STAB2: variants seen among roughly 807,000 people sequenced by gnomAD.
STAB2 encodes the protein stabilin 2.
Under a neutral mutation model 338.1 loss-of-function variants are expected in STAB2, and 288 were observed. The ratio of observed to expected loss-of-function variants is 0.85; its 90% CI spans 0.77 to 0.94. STAB2 has a LOEUF of 0.94. STAB2 is among the 40% of genes least tolerant of loss of function. The pLI, the probability that STAB2 is intolerant of heterozygous loss-of-function variation, is 0.00. For synonymous variants in STAB2, 1,202 were observed against 1,193.3 expected (o/e 1.01, Z -0.15); for missense variants, 3,141 against 3,210.1 (o/e 0.98, Z 0.52).
intron 3 of STAB2, among the ~76,000 whole-genome samples, chr12:103,609,673 C>T (rs891969607): frequency 6.6e-6 from 1 of 152,082 alleles, no homozygotes; most frequent in African/African-American, 2.4e-5. Context: ...ATTGAATACC[C>T]TTTATTTCCT....
intron 25 of STAB2, among the ~76,000 whole-genome samples, chr12:103,681,046 TAAAA>T (rs1458445171): frequency 2.6e-5 from 4 of 152,196 alleles, no homozygotes; most frequent in Non-Finnish European, 1.5e-5. Context: ...ATAAATGTTG[TAAAA>T]GCCACATAGG....
At chr12:103,709,215 AAAG>A (rs1470593116) in intron 39 of STAB2, among the ~76,000 whole-genome samples, 1 of 152,122 alleles carries the variant, frequency 6.6e-6, no homozygotes. Flanking sequence ...TTTCAGGCAG[AAAG>A]AAGCACCTGG....
intron 52 of STAB2, among the ~76,000 whole-genome samples, chr12:103,736,254 C>T (rs1387671107): frequency 1.6e-4 from 25 of 152,128 alleles, no homozygotes; most frequent in Admixed American, 1.6e-3. Flanking sequence ...CCTCTAAGGT[C>T]CAGCATGGTT....
intron 65 of STAB2, among the ~76,000 whole-genome samples, chr12:103,760,418 A>G (rs1228763826): frequency 6.6e-6 from 1 of 151,926 alleles, no homozygotes; most frequent in East Asian, 1.9e-4. Flanking sequence ...CCGCCACCAC[A>G]CTCAGCTGAT....
rs559196174 is a variant in STAB2 at position 103,724,402 on chromosome 12, G to A, written c.4684-573G>A. ...TGAGAAAGCACGGGGAAGGGTTTGT[G>A]AGGAAGGGGCCTATGGGGTCAGGTG... On this transcript the variant is annotated intron_variant, in intron 44 of 68. Transcript: ENST00000388887. Among the ~76,000 whole-genome samples the A allele has an allele frequency of 3.9e-5, 6 of 152,334 alleles. No homozygotes were observed. The East Asian group carries it at 1.2e-3, about 29-fold the overall frequency.
intron 3 of STAB2, among the ~76,000 whole-genome samples, chr12:103,608,296 G>A (rs1183087408): frequency 1.3e-5 from 2 of 152,042 alleles, no homozygotes; most frequent in Non-Finnish European, 2.9e-5. Flanking sequence ...CTGCCTCCAA[G>A]CCTAGCTAAT....
intron 52 of STAB2, among the ~76,000 whole-genome samples, chr12:103,736,891 T>C (rs1368246027): frequency 6.6e-6 from 1 of 152,202 alleles, no homozygotes; most frequent in Non-Finnish European, 1.5e-5. Context: ...ATTGGAAGAA[T>C]AATGTATCCA....
intron 3 of STAB2, among the ~76,000 whole-genome samples, chr12:103,615,153 A>AT (rs2138613129): frequency 6.6e-6 from 1 of 152,254 alleles, no homozygotes; most frequent in African/African-American, 2.4e-5. Flanking sequence ...GGTAGGGATG[A>AT]TTTTTCTAAT....
chr12:103,655,501 C>T lies in STAB2; in HGVS notation c.1654C>T (p.Pro552Ser). ...CTTAGATGAGGATGGAGTTGGTGGA[C>T]CATACACCATTTTTGTTCCAAATAA... ...HALDEDGVGG[P>S]YTIFVPNNEA... Residue 552 changes from proline to serine, a missense_variant, in exon 15 of 69, where the codon CCA becomes TCA. By Grantham distance (74) the Pro-to-Ser change is moderately conservative. Transcript: ENST00000388887. The T allele has an allele frequency of 6.2e-7, 1 of 1,614,014 alleles. No individual in the cohort carries two copies. Among genetic ancestry groups the T allele is most frequent in the Non-Finnish European group, 8.5e-7 (1 of 1,180,018 alleles).
chr12:103,753,576 T>G (rs994259082), intron 61 of STAB2, among the ~76,000 whole-genome samples: 4 of 152,098 alleles, frequency 2.6e-5, no homozygotes, highest in Admixed American at 2.0e-4. Flanking sequence ...CCTTACAACA[T>G]CTCTGAAGGC....
At chr12:103,676,060 T>A in intron 24 of STAB2, 39 bp downstream of exon 24, 231 of 645,136 alleles carry the variant, frequency 3.6e-4, no homozygotes, top group Non-Finnish European at 4.5e-4. Context: ...CCTGGTTTCT[T>A]TTTTTTTTTT....
intron 11 of STAB2, 106 bp downstream of exon 11, chr12:103,650,684 C>T: frequency 1.2e-6 from 1 of 860,408 alleles, no homozygotes; most frequent in Non-Finnish European, 1.8e-6. Context: ...ATTAAACCTA[C>T]TGATGATAAG....
rs1880076670 is a variant in STAB2 at position 103,713,786 on chromosome 12, T to C, written c.4537+18T>C. On this transcript the variant is annotated intron_variant, in intron 42 of 68. Transcript: ENST00000388887. ...GTGCCTGGGTAGGTGTCCTTCCCTC[T>C]TCCATCGGCGAAATGGTATAAGAGT... The C allele has an allele frequency of 6.2e-7, 1 of 1,612,858 alleles. No homozygotes were observed. Among genetic ancestry groups the C allele is most frequent in the Non-Finnish European group, 8.5e-7 (1 of 1,179,276 alleles).
intron 25 of STAB2, among the ~76,000 whole-genome samples, chr12:103,681,749 G>T (rs182673649): frequency 0.011 from 1,611 of 149,996 alleles, 32 homozygotes; most frequent in African/African-American, 0.037. Flanking sequence ...AGCCTCCCAA[G>T]TAGCTGGGAC....
chr12:103,614,821 T>A (rs141659569), intron 3 of STAB2, among the ~76,000 whole-genome samples: 30 of 152,342 alleles, frequency 2.0e-4, no homozygotes, highest in Middle Eastern at 3.4e-3. Flanking sequence ...CATAAATTTG[T>A]CGAGCACACC....
intron 3 of STAB2, among the ~76,000 whole-genome samples, chr12:103,606,789 C>T (rs1183556809): frequency 2.0e-5 from 3 of 152,104 alleles, no homozygotes; most frequent in Non-Finnish European, 4.4e-5. Flanking sequence ...TCAAGACCAT[C>T]CTGGCTAACA....
At chr12:103,632,938 T>C (rs1233751621) in intron 6 of STAB2, among the ~76,000 whole-genome samples, 1 of 152,128 alleles carries the variant, frequency 6.6e-6, no homozygotes, top group African/African-American at 2.4e-5. Context: ...AATGAAAGGG[T>C]TGGGTGAGAT....
In STAB2 at chr12:103,668,598, C is replaced by A; in HGVS notation, c.2086-45C>A. ...AGAGGGTGTGCAGTGCCTGGAGGAC[C>A]TAAACATGCTGACTGCCATGCTTTC... On this transcript the variant is annotated intron_variant, in intron 19 of 68. Coordinates refer to ENST00000388887, the MANE Select transcript of STAB2 (RefSeq NM_017564.10). The A allele has an allele frequency of 6.5e-6, 10 of 1,532,914 alleles. 2 individuals are homozygous for A. In the South Asian group the frequency reaches 1.2e-4, roughly 18 times the overall value. 95.0% of individuals were successfully genotyped at this position (1,532,914 alleles called of 1,614,324 possible).
chr12:103,724,430 G>A (rs1371054152), intron 44 of STAB2, among the ~76,000 whole-genome samples: 1 of 152,204 alleles, frequency 6.6e-6, no homozygotes, highest in African/African-American at 2.4e-5. Context: ...GTCAGGTGAT[G>A]CGTGTGTAGA....
Sources: gnomAD v4.1 joint callset for allele counts (sites outside exome capture counted in the v4.1 genomes callset) on GRCh38, gnomAD v4.1.1 for gene constraint, MANE v1.5 for transcripts, NCBI Gene and HGNC (gene_info 2026-07-23, HGNC 2026-07-21) for gene names.